Variants in VEZT observed in about 807,000 individuals in gnomAD.
VEZT encodes vezatin, adherens junctions transmembrane protein.
A neutral mutation model predicts 79.9 loss-of-function variants in VEZT; 39 were observed. That is an observed-to-expected ratio of 0.49 (90% CI 0.38 to 0.64). The LOEUF is 0.64. VEZT is among the 30% of genes least tolerant of loss of function. The pLI is 0.00. For missense variants in VEZT, 837 were observed against 893.1 expected (o/e 0.94, Z 0.80); for synonymous variants, 325 against 327.6 (o/e 0.99, Z 0.09).
In VEZT at chr12:95,274,868, C is replaced by G; in HGVS notation, c.975C>G (p.Gly325=). 6.8e-6 allele frequency: 11 copies of G among 1,613,392 alleles called. No individual in the cohort carries two copies. Among genetic ancestry groups the G allele is most frequent in the Non-Finnish European group, 9.3e-6 (11 of 1,179,628 alleles). ...AGGAAGCACATAACTTTACAGATGG[C>G]TTCAGCCTGCCTGCATTGAAGGTAA... The part of the protein sequence containing the change: ...SEEEAHNFTD[G]FSLPALKVLF... Residue 325 remains glycine (G), a synonymous_variant, in exon 7 of 12, where the codon GGC becomes GGG. Coordinates refer to ENST00000436874, the MANE Select transcript of VEZT (RefSeq NM_017599.4).
rs763046172 is a variant in VEZT, at chr12:95,282,308, T to G, written c.997-5T>G. On this transcript the variant is annotated splice_polypyrimidine_tract_variant and splice_region_variant and intron_variant, in intron 7 of 11. Coordinates refer to ENST00000436874, the MANE Select transcript of VEZT (RefSeq NM_017599.4). ...GATCTAGTTCTTTTTTCTTTTTTCT[T>G]TAAGGTTTTGTTCCAACTCTGGGTG... 1.7e-5 allele frequency: 27 copies of G among 1,577,418 alleles called. No homozygotes were observed. In the South Asian group the frequency reaches 2.9e-4, roughly 17 times the overall value.
chr12:95,234,593 C>T (rs1269489011), intron 1 of VEZT, among the ~76,000 whole-genome samples: 1 of 152,116 alleles, frequency 6.6e-6, no homozygotes, highest in Non-Finnish European at 1.5e-5. Flanking sequence ...CCGCGCCAGG[C>T]TTCCATTTTC....
chr12:95,226,368 C>G (rs2136648612), intron 1 of VEZT, among the ~76,000 whole-genome samples: 1 of 150,784 alleles, frequency 6.6e-6, no homozygotes, highest in African/African-American at 2.4e-5. Context: ...TAGGGCTGAA[C>G]CTCTCTTCCC....
In VEZT at chr12:95,296,449, T is replaced by A. The variant is rs1328068235; in HGVS notation, c.1831+191T>A. The A allele has an allele frequency of 2.2e-5, 9 of 415,524 alleles. No homozygotes were observed. In the East Asian group the frequency reaches 3.4e-4, roughly 16 times the overall value. The allele number at this position is 415,524 out of a possible 1,614,324, so 25.7% of individuals were successfully genotyped here. On this transcript the variant is annotated intron_variant, in intron 11 of 11. Transcript: ENST00000436874. ...AGTAGGAATGTAACCACATTGGAAA[T>A]ATGAAGTCATACTTTTTTATGAGTT...
intron 3 of VEZT, among the ~76,000 whole-genome samples, chr12:95,261,178 T>G (rs2064406340): frequency 6.6e-6 from 1 of 152,160 alleles, no homozygotes; most frequent in South Asian, 2.1e-4. Flanking sequence ...GGGCTCAGTT[T>G]GATATATGGT....
At chr12:95,230,113 A>AC (rs1230053158) in intron 1 of VEZT, among the ~76,000 whole-genome samples, 1 of 151,800 alleles carries the variant, frequency 6.6e-6, no homozygotes, top group East Asian at 1.9e-4. Context: ...TCAAAAAAAA[A>AC]AAAAAAAAAA....
At chr12:95,272,637 A>T (rs1331540482) in intron 6 of VEZT, among the ~76,000 whole-genome samples, 1 of 152,256 alleles carries the variant, frequency 6.6e-6, no homozygotes, top group Non-Finnish European at 1.5e-5. Flanking sequence ...AAGAGCAGAA[A>T]TATACAAGAT....
At chr12:95,272,862 C>T (rs1332263537) in intron 6 of VEZT, among the ~76,000 whole-genome samples, 1 of 152,140 alleles carries the variant, frequency 6.6e-6, no homozygotes, top group Non-Finnish European at 1.5e-5. Flanking sequence ...GATCCTCCTG[C>T]CTTAGCCTTC....
At chr12:95,226,728 TATAAG>T (rs1402289694) in intron 1 of VEZT, among the ~76,000 whole-genome samples, 2 of 152,182 alleles carry the variant, frequency 1.3e-5, no homozygotes, top group Non-Finnish European at 2.9e-5. Flanking sequence ...AAGATGATAA[TATAAG>T]AGAAGGACTA....
intron 7 of VEZT, among the ~76,000 whole-genome samples, chr12:95,276,468 C>T (rs1039331536): frequency 6.6e-6 from 1 of 151,738 alleles, no homozygotes; most frequent in African/African-American, 2.4e-5. Flanking sequence ...CAGGGTTTCA[C>T]CGTGTTGCCC....
chr12:95,227,160 T>G (rs928979032), intron 1 of VEZT, among the ~76,000 whole-genome samples: 1 of 152,128 alleles, frequency 6.6e-6, no homozygotes, highest in African/African-American at 2.4e-5. Flanking sequence ...AGTTCTGATG[T>G]TGCTTTCTTA....
At chr12:95,280,249 C>G (rs985827284) in intron 7 of VEZT, among the ~76,000 whole-genome samples, 3 of 152,142 alleles carry the variant, frequency 2.0e-5, no homozygotes, top group African/African-American at 7.2e-5. Context: ...CATTGCTTAC[C>G]TGGCCCCAGC....
intron 2 of VEZT, among the ~76,000 whole-genome samples, chr12:95,253,001 G>A (rs774912839): frequency 1.3e-5 from 2 of 152,074 alleles, no homozygotes; most frequent in Non-Finnish European, 2.9e-5. Context: ...ATTTTTAGAT[G>A]AGACAGCTGA....
intron 8 of VEZT, among the ~76,000 whole-genome samples, chr12:95,287,155 CTCTTTA>C (rs1349969657): frequency 2.0e-5 from 3 of 152,056 alleles, no homozygotes; most frequent in Admixed American, 2.0e-4. Context: ...ATATGTAATA[CTCTTTA>C]TAAGCTTTTT....
In VEZT at chr12:95,252,344, A is replaced by T. The variant is rs575210110; in HGVS notation, c.168+273A>T. ...ATGCTATCCAAACAGAATCGAAAAAAATATACTAAAACTTTAATGAGAGCA... is the reference window on the plus strand; with the variant it reads ...ATGCTATCCAAACAGAATCGAAAAATATATACTAAAACTTTAATGAGAGCA... On this transcript the variant is annotated intron_variant, in intron 2 of 11. Transcript: ENST00000436874. 4 of 230,830 alleles carry T rather than the reference A, an allele frequency of 1.7e-5. No individual in the cohort carries two copies. The South Asian group carries it at 6.7e-4, about 39-fold the overall frequency. 14.3% of individuals were successfully genotyped at this position (230,830 alleles called of 1,614,324 possible).
At chr12:95,236,868 T>G (rs1331792900) in intron 1 of VEZT, among the ~76,000 whole-genome samples, 1 of 152,182 alleles carries the variant, frequency 6.6e-6, no homozygotes, top group Admixed American at 6.5e-5. Flanking sequence ...ATTACAGGCA[T>G]CAGCCATGGT....
In VEZT at chr12:95,266,361, C is replaced by A. The variant is rs747828269; in HGVS notation, c.439C>A (p.Leu147Ile). The change falls in exon 5 of 12, where the codon CTC becomes ATC. Residue 147 changes from leucine (L) to isoleucine (I), a missense_variant. Coordinates refer to ENST00000436874, the MANE Select transcript of VEZT (RefSeq NM_017599.4). ...CSLATPNIWDLSMLFAFISLL... is the reference protein window; with the variant it reads ...CSLATPNIWDISMLFAFISLL... Reference sequence around the variant, plus strand: ...TTCTTCCTTTCTTGTTCCCAGGGATCTCTCAATGCTATTTGCCTTCATTAG... The same window carrying A: ...TTCTTCCTTTCTTGTTCCCAGGGATATCTCAATGCTATTTGCCTTCATTAG... 11 of 1,606,962 alleles carry A rather than the reference C, an allele frequency of 6.8e-6. 1 individual carries two copies. In the South Asian group the frequency reaches 1.2e-4, roughly 18 times the overall value.
At chr12:95,291,497 T>G (rs1175414677) in intron 9 of VEZT, among the ~76,000 whole-genome samples, 2 of 152,218 alleles carry the variant, frequency 1.3e-5, no homozygotes, top group Non-Finnish European at 2.9e-5. Context: ...CTCTAAAGAT[T>G]TTCTGCCTTG....
chr12:95,247,399 G>A (rs568746403), intron 1 of VEZT, among the ~76,000 whole-genome samples: 11 of 152,068 alleles, frequency 7.2e-5, no homozygotes, highest in Admixed American at 2.0e-4. Context: ...ATAAGTATCC[G>A]GCAATTTTCT....
Sources: allele counts gnomAD v4.1 joint callset (sites outside exome capture counted in the v4.1 genomes callset), GRCh38; gene constraint gnomAD v4.1.1; transcripts MANE v1.5; gene names NCBI Gene and HGNC (gene_info 2026-07-23, HGNC 2026-07-21).